GPM6B: variants seen among roughly 807,000 people sequenced by gnomAD.
The protein encoded by GPM6B is glycoprotein M6B.
GPM6B carries 4 observed loss-of-function variants against 27.2 expected under a neutral mutation model. That is an observed-to-expected ratio of 0.15 (90% CI 0.07 to 0.34). The LOEUF is 0.34. Among genes scored for constraint, GPM6B ranks in the 10% least tolerant of loss-of-function variants. The pLI, the probability that GPM6B is intolerant of heterozygous loss-of-function variation, is 1.00. For synonymous variants in GPM6B, 124 were observed against 103.1 expected, an observed-to-expected ratio of 1.20 and a Z score of -1.23; for missense variants, 183 against 261.9, an observed-to-expected ratio of 0.70 and a Z score of 2.08.
In GPM6B at chrX:13,780,004, G is replaced by T; in HGVS notation, c.526-15C>A. 8.6e-7 allele frequency: 1 copy of T among 1,163,353 alleles called. No individual in the cohort carries two copies. Among genetic ancestry groups the T allele is most frequent in the South Asian group, 2.0e-5 (1 of 50,304 alleles). Reference sequence around the variant, plus strand: ...AGGAAAACGAACTAGGCCAAAACAAGAGGAAGGACAATCATCACTGAAACA... The same window carrying T: ...AGGAAAACGAACTAGGCCAAAACAATAGGAAGGACAATCATCACTGAAACA... On this transcript the variant is annotated splice_polypyrimidine_tract_variant and intron_variant, in intron 4 of 7. Transcript: ENST00000316715.
At chrX:13,837,916 T>C (rs935236130) in intron 1 of GPM6B, among the ~76,000 whole-genome samples, 1 of 110,772 alleles carries the variant, frequency 9.0e-6, no homozygotes, top group African/African-American at 3.3e-5. Context: ...CGTCATTAAA[T>C]TGCAATTAAA....
Position 13,804,294 on chromosome X carries a change from T to A in GPM6B, c.181+3356A>T, listed in dbSNP as rs1434137619. ...TCTACAACAGTCTGGAAGTGCTCCC[T>A]CCAATGTTAAGCACAATATGCCACT... On this transcript the variant is annotated intron_variant, in intron 2 of 7. Transcript: ENST00000316715. Among the ~76,000 whole-genome samples the A allele has an allele frequency of 2.7e-5, 3 of 110,362 alleles. No individual in the cohort carries two copies. The Admixed American group carries it at 2.9e-4, about 11-fold the overall frequency.
At chrX:13,806,709 C>G (rs1408643317) in intron 2 of GPM6B, among the ~76,000 whole-genome samples, 3 of 111,598 alleles carry the variant, frequency 2.7e-5, no homozygotes, top group Non-Finnish European at 3.8e-5. Flanking sequence ...TGGGATTGCC[C>G]TTTCTGGAGC....
At chrX:13,808,590 C>T (rs2049067769) in intron 1 of GPM6B, among the ~76,000 whole-genome samples, 3 of 111,525 alleles carry the variant, frequency 2.7e-5, no homozygotes, top group Non-Finnish European at 5.7e-5. Flanking sequence ...ATCATAAGGT[C>T]GCTATGGCCA....
chrX:13,787,548 C>G (rs191908264), intron 2 of GPM6B, among the ~76,000 whole-genome samples: 2 of 111,722 alleles, frequency 1.8e-5, no homozygotes, highest in East Asian at 5.6e-4. Context: ...CAGAGCAAGA[C>G]TCCGTCTCAA....
At chrX:13,907,706 A>G (rs1185396379) in intron 1 of GPM6B, among the ~76,000 whole-genome samples, 1 of 112,350 alleles carries the variant, frequency 8.9e-6, no homozygotes, top group African/African-American at 3.2e-5. Context: ...ATTCAAATCC[A>G]GGTTTGTTTA....
intron 1 of GPM6B, among the ~76,000 whole-genome samples, chrX:13,881,514 A>G (rs2050097813): frequency 1.0e-5 from 1 of 97,979 alleles, no homozygotes; most frequent in African/African-American, 3.7e-5. Context: ...CCTGTCACCA[A>G]AAAAAAAAAG....
chrX:13,935,492 T>A (rs1045349364), intron 1 of GPM6B, among the ~76,000 whole-genome samples: 3 of 111,434 alleles, frequency 2.7e-5, no homozygotes, highest in Admixed American at 9.5e-5. Context: ...CAGTACAGCA[T>A]GGACAGAGTG....
At chrX:13,819,935 G>A (rs2049288983), upstream of GPM6B, among the ~76,000 whole-genome samples, 2 of 111,634 alleles carry the variant, frequency 1.8e-5, no homozygotes, top group Admixed American at 1.9e-4. Flanking sequence ...AACGGAAAGA[G>A]TTCTAGGAAA....
At chrX:13,937,518 TCA>T (rs1243850475) in intron 1 of GPM6B, among the ~76,000 whole-genome samples, 1 of 111,746 alleles carries the variant, frequency 8.9e-6, no homozygotes, top group East Asian at 2.8e-4. Flanking sequence ...GGAATGCTCT[TCA>T]CAGTCTTTGT....
chrX:13,886,300 C>T (rs1311813718), intron 1 of GPM6B, among the ~76,000 whole-genome samples: 1 of 111,695 alleles, frequency 9.0e-6, no homozygotes, highest in African/African-American at 3.3e-5. Flanking sequence ...AACTCAATTG[C>T]TATCTTTGTA....
At chrX:13,911,307 AAATT>A (rs2147057265) in intron 1 of GPM6B, among the ~76,000 whole-genome samples, 1 of 112,251 alleles carries the variant, frequency 8.9e-6, no homozygotes, top group South Asian at 3.7e-4. Flanking sequence ...TTAAGGGCCC[AAATT>A]AGAATAGAGT....
intron 1 of GPM6B, among the ~76,000 whole-genome samples, chrX:13,886,491 A>G (rs1295337939): frequency 9.2e-6 from 1 of 109,101 alleles, no homozygotes; most frequent in Non-Finnish European, 1.9e-5. Context: ...ATTACAGGGC[A>G]TGGAAGGGAT....
chrX:13,778,823 A>G (rs1260712484), intron 5 of GPM6B, among the ~76,000 whole-genome samples: 2 of 112,279 alleles, frequency 1.8e-5, no homozygotes, highest in Non-Finnish European at 3.8e-5. Flanking sequence ...TTTTAGCTCT[A>G]TCATAAAGAA....
At chrX:13,845,487 T>G (rs1216450203) in intron 1 of GPM6B, among the ~76,000 whole-genome samples, 1 of 112,483 alleles carries the variant, frequency 8.9e-6, no homozygotes, top group Middle Eastern at 4.6e-3. Context: ...TGATAGATTT[T>G]ATTTTTCTAT....
chrX:13,896,567 CTCT>C (rs900558644), intron 1 of GPM6B, among the ~76,000 whole-genome samples: 2 of 110,811 alleles, frequency 1.8e-5, no homozygotes, highest in African/African-American at 6.6e-5. Flanking sequence ...GACAATTTCT[CTCT>C]TTTTTTTCAA....
At chrX:13,823,971 G>A (rs756086837) in intron 1 of GPM6B, among the ~76,000 whole-genome samples, 1 of 112,326 alleles carries the variant, frequency 8.9e-6, no homozygotes, top group Non-Finnish European at 1.9e-5. Context: ...GGCATGAGGG[G>A]GCATGTGCCT....
intron 2 of GPM6B, among the ~76,000 whole-genome samples, chrX:13,794,184 C>T (rs2048765982): frequency 1.9e-5 from 2 of 106,878 alleles, no homozygotes; most frequent in African/African-American, 7.1e-5. Flanking sequence ...CTCTCTCTCT[C>T]TCTTTTTTTT....
intron 7 of GPM6B, among the ~76,000 whole-genome samples, chrX:13,775,534 A>G (rs1409404210): frequency 2.7e-5 from 3 of 112,773 alleles, no homozygotes; most frequent in Non-Finnish European, 5.6e-5. Context: ...TAGAGTCCCT[A>G]AGTGCAAGAA....
Sources: allele counts gnomAD v4.1 joint callset (sites outside exome capture counted in the v4.1 genomes callset), GRCh38; gene constraint gnomAD v4.1.1; transcripts MANE v1.5; gene names NCBI Gene and HGNC (gene_info 2026-07-23, HGNC 2026-07-21).